Variants in HYDIN observed in about 807,000 individuals in gnomAD.
HYDIN encodes the protein axonemal central pair apparatus protein HYDIN.
HYDIN carries 132 observed loss-of-function variants against 403.9 expected under a neutral mutation model. The observed-to-expected ratio is 0.33, with a 90% CI of 0.28 to 0.38. The LOEUF is 0.38. Ranked by LOEUF, HYDIN falls within the 10% of genes least tolerant of loss-of-function variation. HYDIN has a pLI of 1.00. For synonymous variants in HYDIN, 1,202 were observed against 1,891.7 expected (o/e 0.64, Z 9.46); for missense variants, 2,827 against 5,009.5 (o/e 0.56, Z 13.15).
At chr16:71,211,641 CAAAAAAAAAAA>C (rs548855002) in intron 1 of HYDIN, among the ~76,000 whole-genome samples, 1 of 50,018 alleles carries the variant, frequency 2.0e-5, no homozygotes, top group Non-Finnish European at 4.5e-5. Context: ...GACTCCATCT[CAAAAAAAAAAA>C]AAAAAAAATC....
At chr16:71,133,692 T>A (rs867718052) in intron 8 of HYDIN, among the ~76,000 whole-genome samples, 1 of 152,104 alleles carries the variant, frequency 6.6e-6, no homozygotes, top group African/African-American at 2.4e-5. Context: ...TTAAAGCCCA[T>A]GCCAAGTCTC....
chr16:71,098,413 A>G (rs2083347647), intron 10 of HYDIN, among the ~76,000 whole-genome samples: 1 of 151,866 alleles, frequency 6.6e-6, no homozygotes, highest in Admixed American at 6.6e-5. Flanking sequence ...CGTGTTAGCC[A>G]GGATGGTCTC....
chr16:71,203,013 G>A (rs2088100508), intron 1 of HYDIN, among the ~76,000 whole-genome samples: 1 of 152,096 alleles, frequency 6.6e-6, no homozygotes, highest in African/African-American at 2.4e-5. Flanking sequence ...CCAGATTTTG[G>A]GAAAGAGAAG....
rs1378854915 is a variant in HYDIN, at chr16:71,084,384, T to C, written c.1670+3917A>G. ...TTTTGGATATGGATATTTAACCCTA[T>C]CTTTTTGTTTGTTTGTTTTTGAGAC... On this transcript the variant is annotated intron_variant, in intron 12 of 85. Coordinates refer to ENST00000393567, the MANE Select transcript of HYDIN (RefSeq NM_001270974.2). Among the ~76,000 whole-genome samples the C allele has an allele frequency of 1.9e-5, 2 of 104,892 alleles. 1 individual carries two copies. Among genetic ancestry groups the C allele is most frequent in the Admixed American group, 2.1e-4 (2 of 9,736 alleles). The allele number at this position is 104,892 out of a possible 152,430, so 68.8% of individuals were successfully genotyped here.
chr16:70,865,563 T>C (rs1466292071), intron 67 of HYDIN, among the ~76,000 whole-genome samples: 2 of 151,766 alleles, frequency 1.3e-5, no homozygotes, highest in South Asian at 2.1e-4. Flanking sequence ...GGAGACTTGA[T>C]AAGGGAGGAA....
intron 23 of HYDIN, among the ~76,000 whole-genome samples, chr16:70,998,196 C>T (rs2428662): frequency 4.6e-5 from 7 of 152,318 alleles, no homozygotes; most frequent in African/African-American, 1.2e-4. Context: ...TAGCACAGTG[C>T]CCTGCACAAT....
At chr16:71,148,738 T>C (rs1386567300) in intron 7 of HYDIN, among the ~76,000 whole-genome samples, 3 of 146,352 alleles carry the variant, frequency 2.0e-5, no homozygotes, top group South Asian at 2.1e-4. Context: ...GGAAGACTTA[T>C]ATAAAGAATA....
At chr16:70,926,061 C>G (rs1248385984) in intron 45 of HYDIN, among the ~76,000 whole-genome samples, 4 of 150,760 alleles carry the variant, frequency 2.7e-5, no homozygotes, top group Non-Finnish European at 5.9e-5. Flanking sequence ...GGCGATTCCT[C>G]AGGGATCTAG....
chr16:70,881,914 G>C (rs1288528278), intron 60 of HYDIN, among the ~76,000 whole-genome samples: 4 of 152,192 alleles, frequency 2.6e-5, no homozygotes, highest in Non-Finnish European at 5.9e-5. Context: ...TGGAAATTAA[G>C]GGTGACAGAA....
At chr16:71,031,374 A>G (rs1251815684) in intron 19 of HYDIN, 50 of 1,145,050 alleles carry the variant, frequency 4.4e-5, no homozygotes, top group Non-Finnish European at 4.6e-5. Context: ...AAAGAGGAGA[A>G]ATTACGGTTG....
intron 10 of HYDIN, among the ~76,000 whole-genome samples, chr16:71,108,167 G>C (rs1267786265): frequency 6.6e-6 from 1 of 152,150 alleles, no homozygotes; most frequent in Non-Finnish European, 1.5e-5. Flanking sequence ...GGGGCCTAGT[G>C]GAGGGCGGAG....
At chr16:70,933,204 G>A (rs962115253) in intron 45 of HYDIN, among the ~76,000 whole-genome samples, 13 of 152,108 alleles carry the variant, frequency 8.5e-5, no homozygotes, top group African/African-American at 2.9e-4. Context: ...AGTCTGGGAC[G>A]GGCTTGAGAA....
intron 84 of HYDIN, chr16:70,811,396 C>T (rs1044851323): frequency 6.5e-6 from 1 of 153,652 alleles, no homozygotes; most frequent in Non-Finnish European, 1.5e-5. Flanking sequence ...ATGATCATAC[C>T]ACTGCACTCC....
intron 78 of HYDIN, among the ~76,000 whole-genome samples, chr16:70,834,494 T>C (rs1177312449): frequency 1.3e-5 from 2 of 152,044 alleles, no homozygotes; most frequent in Non-Finnish European, 2.9e-5. Flanking sequence ...AACAAACAGT[T>C]AGAGCTCTGG....
chr16:71,081,851 T>G (rs549144120), intron 12 of HYDIN, among the ~76,000 whole-genome samples: 16 of 149,424 alleles, frequency 1.1e-4, no homozygotes, highest in Non-Finnish European at 1.8e-4. Flanking sequence ...GAATACAAAA[T>G]GTATCTGTGC....
intron 11 of HYDIN, among the ~76,000 whole-genome samples, chr16:71,093,089 C>T (rs2083163663): frequency 6.6e-6 from 1 of 150,736 alleles, no homozygotes; most frequent in Non-Finnish European, 1.5e-5. Context: ...AATCTGGCAC[C>T]TATTTGTCAC....
intron 7 of HYDIN, among the ~76,000 whole-genome samples, chr16:71,146,543 A>G (rs925470236): frequency 3.0e-5 from 2 of 66,220 alleles, no homozygotes; most frequent in Non-Finnish European, 2.6e-5. Context: ...AGGTTCAAAT[A>G]TATCTATAAT....
chr16:70,879,522 G>C, intron 61 of HYDIN, 36 bp from the exon 62 acceptor site: 1 of 1,609,710 alleles, frequency 6.2e-7, no homozygotes, highest in Non-Finnish European at 8.5e-7. Context: ...CTGTCAGCCT[G>C]GCATGGTGGG....
At chr16:70,943,436 C>T (rs1161459480) in intron 42 of HYDIN, among the ~76,000 whole-genome samples, 1 of 151,912 alleles carries the variant, frequency 6.6e-6, no homozygotes, top group East Asian at 1.9e-4. Flanking sequence ...ATGTTTTAAC[C>T]AGTATTTCCT....
Sources: allele counts gnomAD v4.1 joint callset (sites outside exome capture counted in the v4.1 genomes callset), GRCh38; gene constraint gnomAD v4.1.1; transcripts MANE v1.5; gene names NCBI Gene and HGNC (gene_info 2026-07-23, HGNC 2026-07-21).